Variants in MAP3K5 observed in about 807,000 individuals in gnomAD.
MAP3K5 encodes the protein ASK-1.
In MAP3K5, 56 loss-of-function variants were observed where a neutral mutation model predicts 158.7. The ratio of observed to expected loss-of-function variants is 0.35; its 90% CI spans 0.28 to 0.44. The LOEUF (loss-of-function observed/expected upper bound fraction) is 0.44, where lower values mean the gene tolerates loss of function less well. Ranked by LOEUF, MAP3K5 falls within the 20% of genes least tolerant of loss-of-function variation. The pLI is 1.00. For missense variants in MAP3K5, 1,294 were observed against 1,674.8 expected, an observed-to-expected ratio of 0.77 and a Z score of 3.97; for synonymous variants, 579 against 601.7, an observed-to-expected ratio of 0.96 and a Z score of 0.55.
chr6:136,653,512 C>T (rs143740204), intron 10 of MAP3K5, among the ~76,000 whole-genome samples: 441 of 152,264 alleles, frequency 2.9e-3, no homozygotes, highest in Non-Finnish European at 4.7e-3. Context: ...CAAGGTGCAG[C>T]GACCAAGATC....
intron 8 of MAP3K5, among the ~76,000 whole-genome samples, chr6:136,666,451 G>A (rs952227959): frequency 1.3e-5 from 2 of 152,068 alleles, no homozygotes; most frequent in African/African-American, 2.4e-5. Flanking sequence ...TCGGTAATTC[G>A]GAATAATTTG....
At chr6:136,669,232 A>C in intron 8 of MAP3K5, 51 bp downstream of exon 8, 2 of 1,157,324 alleles carry the variant, frequency 1.7e-6, no homozygotes, top group Non-Finnish European at 1.3e-6. Flanking sequence ...TCTTTGCACC[A>C]AGTTGGGTCC....
At chr6:136,668,631 C>G (rs562814185) in intron 8 of MAP3K5, among the ~76,000 whole-genome samples, 2 of 152,150 alleles carry the variant, frequency 1.3e-5, no homozygotes, top group South Asian at 2.1e-4. Flanking sequence ...AAGCCAAAAC[C>G]AAGAAAATCA....
intron 7 of MAP3K5, among the ~76,000 whole-genome samples, chr6:136,670,855 C>A (rs977883675): frequency 1.3e-5 from 2 of 152,116 alleles, no homozygotes; most frequent in African/African-American, 4.8e-5. Context: ...AAAGGTACCA[C>A]TGCATCACCA....
At chr6:136,711,849 G>A (rs2114739212) in intron 2 of MAP3K5, among the ~76,000 whole-genome samples, 1 of 152,122 alleles carries the variant, frequency 6.6e-6, no homozygotes, top group Admixed American at 6.6e-5. Flanking sequence ...ATAAACCAAA[G>A]CAAACAACTC....
chr6:136,607,564 G>C (rs1443622157), intron 18 of MAP3K5, among the ~76,000 whole-genome samples: 1 of 152,204 alleles, frequency 6.6e-6, no homozygotes, highest in Non-Finnish European at 1.5e-5. Flanking sequence ...TAAAATCAAT[G>C]AGAGTATTTG....
At chr6:136,614,402 C>G in intron 15 of MAP3K5, 116 bp from the exon 16 acceptor site, 1 of 1,157,312 alleles carries the variant, frequency 8.6e-7, no homozygotes, top group South Asian at 1.5e-5. Context: ...AAAACCAAAA[C>G]AACCACTTAA....
intron 1 of MAP3K5, among the ~76,000 whole-genome samples, chr6:136,727,002 G>T: frequency 6.6e-6 from 1 of 151,980 alleles, no homozygotes; most frequent in Non-Finnish European, 1.5e-5. Flanking sequence ...TACTCGCTAG[G>T]ACTTCCAGTA....
intron 23 of MAP3K5, among the ~76,000 whole-genome samples, chr6:136,589,318 T>G (rs549357139): frequency 1.3e-5 from 2 of 152,202 alleles, no homozygotes; most frequent in African/African-American, 4.8e-5. Context: ...GAAGGACAGG[T>G]AGAGGCCACG....
intron 23 of MAP3K5, among the ~76,000 whole-genome samples, chr6:136,585,298 TG>T (rs1176576715): frequency 6.6e-6 from 1 of 151,088 alleles, no homozygotes; most frequent in Non-Finnish European, 1.5e-5. Context: ...TAAAACTTTT[TG>T]TAGAGACTGG....
intron 14 of MAP3K5, among the ~76,000 whole-genome samples, chr6:136,626,973 C>G (rs1425364298): frequency 1.3e-5 from 2 of 152,126 alleles, no homozygotes; most frequent in Non-Finnish European, 2.9e-5. Context: ...ATTAGGGAAA[C>G]CCTATCATAG....
At chr6:136,681,699 G>T (rs755388761) in intron 7 of MAP3K5, among the ~76,000 whole-genome samples, 1 of 152,086 alleles carries the variant, frequency 6.6e-6, no homozygotes, top group South Asian at 2.1e-4. Flanking sequence ...GGCAGATCAC[G>T]AGGTCAGGAG....
Position 136,792,094 on chromosome 6 carries a change from A to AC in MAP3K5, c.63_64insG (p.Cys22ValfsTer165). 6.3e-7 allele frequency: 1 copy of AC among 1,584,564 alleles called. No individual in the cohort carries two copies. Reference sequence around the variant, plus strand: ...CAGATGCCGCCCTCGGGGATGGTGCAGAAGCCCGAGGGGGCGAAGGGTGGC... The same window carrying AC: ...CAGATGCCGCCCTCGGGGATGGTGCACGAAGCCCGAGGGGGCGAAGGGTGGC... On this transcript the variant is annotated frameshift_variant, in exon 1 of 30. Transcript: ENST00000359015. LOFTEE classifies it high-confidence loss of function. The surrounding 1 kb of genome is among the most constrained non-coding windows in gnomAD (Gnocchi z 5.7).
intron 21 of MAP3K5, among the ~76,000 whole-genome samples, chr6:136,596,250 G>A (rs759000428): frequency 1.3e-5 from 2 of 152,112 alleles, no homozygotes; most frequent in Non-Finnish European, 2.9e-5. Context: ...GAGAAAATGG[G>A]GTGTCATGGA....
chr6:136,684,586 T>C (rs1479456463), intron 7 of MAP3K5, among the ~76,000 whole-genome samples: 3 of 152,126 alleles, frequency 2.0e-5, no homozygotes, highest in Admixed American at 6.6e-5. Context: ...CTTCAGAAAC[T>C]TGATGGCTGT....
At chr6:136,770,200 T>A (rs1784140823) in intron 1 of MAP3K5, among the ~76,000 whole-genome samples, 1 of 152,190 alleles carries the variant, frequency 6.6e-6, no homozygotes, top group Admixed American at 6.5e-5. Context: ...TCTCCCCTAA[T>A]GGATGGACTG....
At chr6:136,655,821 C>T (rs1035001693) in intron 10 of MAP3K5, among the ~76,000 whole-genome samples, 1 of 152,072 alleles carries the variant, frequency 6.6e-6, no homozygotes, top group Non-Finnish European at 1.5e-5. Flanking sequence ...AGTCATTTCC[C>T]ATGGTCTAAA....
intron 14 of MAP3K5, among the ~76,000 whole-genome samples, chr6:136,629,750 G>A (rs1306964593): frequency 2.7e-5 from 4 of 149,654 alleles, no homozygotes; most frequent in African/African-American, 7.4e-5. Flanking sequence ...CATGGCGCCC[G>A]GCCATATCTC....
At position 136,557,754 on chromosome 6, in the gene MAP3K5, A is replaced by C. The variant is rs1408804260; in HGVS notation, c.*4T>G. 6.2e-7 allele frequency: 1 copy of C among 1,606,520 alleles called. No individual in the cohort carries two copies. ...TTTCCATCGAAGATTAGATTGAGCA[A>C]CAGTCAAGTCTGTTTGTTTCGAAAG... On this transcript the variant is annotated 3_prime_UTR_variant, in exon 30 of 30. Transcript: ENST00000359015.
Sources: allele counts gnomAD v4.1 joint callset (sites outside exome capture counted in the v4.1 genomes callset), GRCh38; gene constraint gnomAD v4.1.1; non-coding constraint Gnocchi (gnomAD v3.1); transcripts MANE v1.5; gene names NCBI Gene and HGNC (gene_info 2026-07-23, HGNC 2026-07-21).